Variants in RIT2 observed in about 807,000 individuals in gnomAD.
RIT2 encodes GTP-binding protein Rit2.
RIT2 carries 24 observed loss-of-function variants against 23.7 expected under a neutral mutation model. The ratio of observed to expected loss-of-function variants is 1.01; its 90% CI spans 0.73 to 1.43. The LOEUF (loss-of-function observed/expected upper bound fraction) is 1.43. RIT2 is among the 40% of genes most tolerant of loss of function. The pLI is 0.00. For synonymous variants in RIT2, 107 were observed against 91.1 expected, an observed-to-expected ratio of 1.17 and a Z score of -0.99; for missense variants, 236 against 266.9, an observed-to-expected ratio of 0.88 and a Z score of 0.81.
intron 4 of RIT2, among the ~76,000 whole-genome samples, chr18:42,797,525 A>C (rs1943179): frequency 0.33 from 49,480 of 152,068 alleles, 10,780 homozygotes; most frequent in African/African-American, 0.61. Flanking sequence ...TGTTAAAAGT[A>C]ATTATTTGCA....
At chr18:43,039,411 C>T (rs1034422705) in intron 1 of RIT2, among the ~76,000 whole-genome samples, 4 of 146,484 alleles carry the variant, frequency 2.7e-5, no homozygotes, top group African/African-American at 1.0e-4. Flanking sequence ...TGCAATGGTG[C>T]GATCTAAGCT....
intron 2 of RIT2, among the ~76,000 whole-genome samples, chr18:43,006,889 ACC>A (rs1911240927): frequency 6.6e-6 from 1 of 151,448 alleles, no homozygotes; most frequent in Non-Finnish European, 1.5e-5. Flanking sequence ...GCCCAGAACC[ACC>A]ATTATTAAGA....
intron 4 of RIT2, among the ~76,000 whole-genome samples, chr18:42,903,877 T>C (rs1908543713): frequency 6.6e-6 from 1 of 152,090 alleles, no homozygotes; most frequent in Non-Finnish European, 1.5e-5. Flanking sequence ...AATCAAAGTA[T>C]TTTTAATCAA....
chr18:42,986,378 C>T (rs1417083991), intron 2 of RIT2, among the ~76,000 whole-genome samples: 1 of 151,948 alleles, frequency 6.6e-6, no homozygotes, highest in Non-Finnish European at 1.5e-5. Context: ...AAAAAGGCAA[C>T]CTCCAATGAA....
intron 4 of RIT2, among the ~76,000 whole-genome samples, chr18:42,781,247 T>G (rs2143932135): frequency 6.6e-6 from 1 of 152,298 alleles, no homozygotes; most frequent in Non-Finnish European, 1.5e-5. Flanking sequence ...CCTGATATTC[T>G]TTTCAATTTA....
chr18:42,873,243 A>G (rs1405002191), intron 4 of RIT2, among the ~76,000 whole-genome samples: 1 of 152,132 alleles, frequency 6.6e-6, no homozygotes, highest in African/African-American at 2.4e-5. Flanking sequence ...ATGTAACTAT[A>G]TTTATTTGCT....
intron 4 of RIT2, among the ~76,000 whole-genome samples, chr18:42,792,668 C>T (rs1209316113): frequency 2.6e-5 from 4 of 152,094 alleles, no homozygotes; most frequent in East Asian, 3.9e-4. Context: ...CACGGTGTGT[C>T]GAAGTTCATA....
At chr18:42,899,685 A>G (rs988227263) in intron 4 of RIT2, among the ~76,000 whole-genome samples, 1 of 152,120 alleles carries the variant, frequency 6.6e-6, no homozygotes, top group Non-Finnish European at 1.5e-5. Flanking sequence ...GAAAATATGC[A>G]TGCTGTCACT....
chr18:42,766,709 C>T lies in RIT2; in HGVS notation c.427-22989G>A, dbSNP rs192640234. ...GTCTCCAGGCCATGTCAGAGACCTTCAGGGCAGCCCCTCCTATCACTGGCC... is the reference window on the plus strand; with the variant it reads ...GTCTCCAGGCCATGTCAGAGACCTTTAGGGCAGCCCCTCCTATCACTGGCC... On this transcript the variant is annotated intron_variant, in intron 4 of 4. Coordinates refer to ENST00000326695, the MANE Select transcript of RIT2 (RefSeq NM_002930.4). 1.1e-4 allele frequency among the ~76,000 whole-genome samples: 16 copies of T among 152,320 alleles called. No homozygotes were observed. In the East Asian group the frequency reaches 2.9e-3, roughly 28 times the overall value.
chr18:43,015,187 T>C (rs1029902576), intron 2 of RIT2, among the ~76,000 whole-genome samples: 3 of 151,698 alleles, frequency 2.0e-5, no homozygotes, highest in Admixed American at 1.3e-4. Flanking sequence ...TATTGAGCTA[T>C]AGCAGTCATG....
chr18:43,047,359 A>G (rs1912273429), intron 1 of RIT2, among the ~76,000 whole-genome samples: 1 of 152,036 alleles, frequency 6.6e-6, no homozygotes, highest in Admixed American at 6.6e-5. Flanking sequence ...TTACCTGTGC[A>G]TAATATCAAA....
intron 1 of RIT2, among the ~76,000 whole-genome samples, chr18:43,041,179 C>T (rs903513250): frequency 5.9e-5 from 9 of 152,010 alleles, no homozygotes; most frequent in Admixed American, 5.2e-4. Context: ...TGCACATAAA[C>T]GCTTCTTTGA....
intron 1 of RIT2, among the ~76,000 whole-genome samples, chr18:43,066,692 G>A (rs1912777951): frequency 6.6e-6 from 1 of 152,074 alleles, no homozygotes; most frequent in Non-Finnish European, 1.5e-5. Context: ...AAATTGACAA[G>A]GAAGCGCCAT....
At chr18:42,797,656 C>T (rs2143957109) in intron 4 of RIT2, among the ~76,000 whole-genome samples, 2 of 152,170 alleles carry the variant, frequency 1.3e-5, no homozygotes, top group African/African-American at 4.8e-5. Context: ...CACTATGAGG[C>T]CTTGAAGCAG....
intron 3 of RIT2, among the ~76,000 whole-genome samples, chr18:42,953,533 C>G (rs1459869621): frequency 3.3e-5 from 5 of 152,108 alleles, no homozygotes; most frequent in Non-Finnish European, 7.4e-5. Context: ...ATTCTCATGA[C>G]CTACCGACTC....
At chr18:42,891,446 G>A (rs1294810310) in intron 4 of RIT2, among the ~76,000 whole-genome samples, 6 of 152,054 alleles carry the variant, frequency 3.9e-5, no homozygotes, top group Admixed American at 1.3e-4. Context: ...AATGTCCACA[G>A]AAAAACCTGC....
intron 1 of RIT2, among the ~76,000 whole-genome samples, chr18:43,109,876 A>G (rs1485339131): frequency 1.3e-5 from 2 of 152,144 alleles, no homozygotes; most frequent in Non-Finnish European, 2.9e-5. Flanking sequence ...TGTCCTAGGG[A>G]CCAGAGAAGG....
intron 2 of RIT2, among the ~76,000 whole-genome samples, chr18:42,990,913 T>TA: frequency 3.9e-4 from 1 of 2,596 alleles, no homozygotes; most frequent in Non-Finnish European, 7.1e-3. Context: ...ACTGGTTTTG[T>TA]TTTTTTTTTT....
At chr18:42,984,951 T>C (rs969594870) in intron 2 of RIT2, among the ~76,000 whole-genome samples, 9 of 151,936 alleles carry the variant, frequency 5.9e-5, no homozygotes, top group Non-Finnish European at 1.0e-4. Flanking sequence ...AGAAAAATGA[T>C]TGATGTGAAA....
Sources: gnomAD v4.1 joint callset for allele counts (sites outside exome capture counted in the v4.1 genomes callset) on GRCh38, gnomAD v4.1.1 for gene constraint, MANE v1.5 for transcripts, NCBI Gene and HGNC (gene_info 2026-07-23, HGNC 2026-07-21) for gene names.